XRCC2: variants seen among roughly 807,000 people sequenced by gnomAD.
XRCC2 encodes X-ray repair cross complementing 2, also known as DNA repair protein XRCC2.
XRCC2 carries 24 observed loss-of-function variants against 27.3 expected under a neutral mutation model. That is an observed-to-expected ratio of 0.88 (90% CI 0.64 to 1.24). The LOEUF (loss-of-function observed/expected upper bound fraction) is 1.24. Ranked by LOEUF, XRCC2 falls within the 50% of genes most tolerant of loss-of-function variation. The pLI is 0.00. For missense variants in XRCC2, 321 were observed against 325.8 expected, an observed-to-expected ratio of 0.99 and a Z score of 0.11; for synonymous variants, 106 against 115.4, an observed-to-expected ratio of 0.92 and a Z score of 0.52.
In XRCC2 at chr7:152,648,151, A is replaced by T. The variant is rs1054420263; in HGVS notation, c.*491T>A. On this transcript the variant is annotated 3_prime_UTR_variant, in exon 3 of 3. Transcript: ENST00000359321. Reference sequence around the variant, plus strand: ...ACTTTAGGGCTGGGCACGGGCCTGTAATCCTAGCACTTTGGGAGGCCGAGG... The same window carrying T: ...ACTTTAGGGCTGGGCACGGGCCTGTTATCCTAGCACTTTGGGAGGCCGAGG... 6.6e-6 allele frequency: 1 copy of T among 152,482 alleles called. No individual in the cohort carries two copies. Among genetic ancestry groups the T allele is most frequent in the African/African-American group, 2.4e-5 (1 of 41,454 alleles). The allele number at this position is 152,482 out of a possible 1,614,324, so 9.4% of individuals were successfully genotyped here.
intron 1 of XRCC2, 136 bp downstream of exon 1, chr7:152,675,905 C>G (rs1172651890): frequency 3.3e-6 from 4 of 1,194,672 alleles, no homozygotes; most frequent in Non-Finnish European, 4.8e-6. Context: ...TCGCGGGCGT[C>G]TAGGCCGAGA....
intron 1 of XRCC2, among the ~76,000 whole-genome samples, chr7:152,666,909 C>T (rs1015863213): frequency 2.2e-4 from 33 of 151,982 alleles, no homozygotes; most frequent in African/African-American, 7.5e-4. Context: ...TGAGCCACTG[C>T]GCCCAGCAAG....
chr7:152,675,725 A>G (rs998238259), intron 1 of XRCC2, among the ~76,000 whole-genome samples: 3 of 152,204 alleles, frequency 2.0e-5, no homozygotes, highest in South Asian at 4.1e-4. Context: ...TTTTTAGACC[A>G]TAACTCTTGG....
chr7:152,661,292 G>C (rs560087883), intron 1 of XRCC2, among the ~76,000 whole-genome samples: 1 of 152,244 alleles, frequency 6.6e-6, no homozygotes, highest in African/African-American at 2.4e-5. Context: ...ACCCTCAAAG[G>C]AATGGATAGT....
chr7:152,666,221 T>G (rs1275511330), intron 1 of XRCC2, among the ~76,000 whole-genome samples: 1 of 152,166 alleles, frequency 6.6e-6, no homozygotes, highest in African/African-American at 2.4e-5. Flanking sequence ...TCAATAATTT[T>G]TTTTTTGAGA....
In XRCC2 at chr7:152,645,217, T is replaced by A. The variant is rs2098025250; in HGVS notation, c.*3425A>T. 6.6e-6 allele frequency: 1 copy of A among 151,726 alleles called. No homozygotes were observed. Among genetic ancestry groups the A allele is most frequent in the Admixed American group, 6.6e-5 (1 of 15,228 alleles). 9.4% of individuals were successfully genotyped at this position (151,726 alleles called of 1,614,324 possible). ...TTTATTAGATTTATTTCTAGAAACT[T>A]TATATTTTTAGTTATGATTAAATAT... On this transcript the variant is annotated 3_prime_UTR_variant, in exon 3 of 3. Coordinates refer to ENST00000359321, the MANE Select transcript of XRCC2 (RefSeq NM_005431.2).
In XRCC2 at chr7:152,649,341, G is replaced by T. The variant is rs369819565; in HGVS notation, c.144C>A (p.Gly48=). The stretch of plus-strand genomic sequence containing the variant: ...TTTCTGTTTTTCCTGTTCCTTCTGG[G>T]CCATGAAATTCAAGAATATCACCTG... ...PVHGDILEFH[G]PEGTGKTEML... The change falls in exon 3 of 3, where the codon GGC becomes GGA. Residue 48 remains glycine, a synonymous_variant. Transcript: ENST00000359321. 2 of 1,592,798 alleles carry T rather than the reference G, an allele frequency of 1.3e-6. No homozygotes were observed. The highest frequency in any genetic ancestry group is 4.5e-5 in the East Asian group (2 of 44,608).
intron 2 of XRCC2, among the ~76,000 whole-genome samples, chr7:152,656,758 A>G (rs1300917110): frequency 1.3e-5 from 2 of 152,228 alleles, no homozygotes; most frequent in African/African-American, 4.8e-5. Flanking sequence ...TACAAAGACC[A>G]TTCTGTTTTT....
chr7:152,667,405 CAAAAAAAAA>C (rs60136474), intron 1 of XRCC2, among the ~76,000 whole-genome samples: 9 of 75,862 alleles, frequency 1.2e-4, no homozygotes, highest in Admixed American at 1.4e-4. Flanking sequence ...AACTCCGTCT[CAAAAAAAAA>C]AAAAAAAAAA....
At chr7:152,669,906 AC>A (rs1202771011) in intron 1 of XRCC2, among the ~76,000 whole-genome samples, 2 of 151,654 alleles carry the variant, frequency 1.3e-5, no homozygotes, top group East Asian at 4.0e-4. Flanking sequence ...ACATAGTGTA[AC>A]CTATTTAAAC....
chr7:152,670,800 T>C (rs1422708086), intron 1 of XRCC2, among the ~76,000 whole-genome samples: 1 of 152,112 alleles, frequency 6.6e-6, no homozygotes, highest in African/African-American at 2.4e-5. Flanking sequence ...GGTTTTGCCA[T>C]GTTGGTCAGG....
At chr7:152,663,345 G>GAAAAA (rs2098034130) in intron 1 of XRCC2, among the ~76,000 whole-genome samples, 1 of 5,460 alleles carries the variant, frequency 1.8e-4, no homozygotes, top group Non-Finnish European at 3.7e-4. Context: ...TGTCTTTGAA[G>GAAAAA]TAAAAAAAAA....
At chr7:152,662,411 CA>C in intron 1 of XRCC2, among the ~76,000 whole-genome samples, 1 of 151,286 alleles carries the variant, frequency 6.6e-6, no homozygotes, top group South Asian at 2.1e-4. Flanking sequence ...ATTAGGATCA[CA>C]GGGGGCAATC....
At chr7:152,665,506 T>TTG (rs2117004454) in intron 1 of XRCC2, among the ~76,000 whole-genome samples, 1 of 141,272 alleles carries the variant, frequency 7.1e-6, no homozygotes, top group African/African-American at 2.7e-5. Flanking sequence ...TTTTTTTTTT[T>TTG]TTTTAGACAG....
chr7:152,676,044 G>T lies in XRCC2; in HGVS notation c.36C>A (p.Thr12=), dbSNP rs1446744510. The change falls in exon 1 of 3, where the codon ACC becomes ACA. Residue 12 remains threonine (T), a synonymous_variant. Coordinates refer to ENST00000359321, the MANE Select transcript of XRCC2 (RefSeq NM_005431.2). Reference sequence around the variant, plus strand: ...CTCCCAACCCGGCGGCTCTCACCTCGGTCCCAGACTCAGCCCTATGGAAGG... The same window carrying T: ...CTCCCAACCCGGCGGCTCTCACCTCTGTCCCAGACTCAGCCCTATGGAAGG... ...CSAFHRAESG[T]ELLARLEGRS... The T allele has an allele frequency of 6.2e-7, 1 of 1,613,638 alleles. No individual in the cohort carries two copies. The highest frequency in any genetic ancestry group is 1.3e-5 in the African/African-American group (1 of 74,914).
rs2116984114 is a variant in XRCC2, at chr7:152,646,128, C to A, written c.*2514G>T. On this transcript the variant is annotated 3_prime_UTR_variant, in exon 3 of 3. Coordinates refer to ENST00000359321, the MANE Select transcript of XRCC2 (RefSeq NM_005431.2). ...CCTGTTTCATTTTAAAGTTATGCCCCTTTTCTATCCTTGAGTGGTTAAGAA... is the reference window on the plus strand; with the variant it reads ...CCTGTTTCATTTTAAAGTTATGCCCATTTTCTATCCTTGAGTGGTTAAGAA... 6.6e-6 allele frequency: 1 copy of A among 152,288 alleles called. No homozygotes were observed. Among genetic ancestry groups the A allele is most frequent in the Non-Finnish European group, 1.5e-5 (1 of 68,028 alleles). 9.4% of individuals were successfully genotyped at this position (152,288 alleles called of 1,614,324 possible).
At position 152,672,111 on chromosome 7, in the gene XRCC2, T is replaced by C. The variant is rs3218403; in HGVS notation, c.39+3930A>G. ...GCCTAGTTGTGATTTTCTCTAGTAATATTCAGCTGAGTGGAAGTAGACAGT... is the reference window on the plus strand; with the variant it reads ...GCCTAGTTGTGATTTTCTCTAGTAACATTCAGCTGAGTGGAAGTAGACAGT... On this transcript the variant is annotated intron_variant, in intron 1 of 2. Transcript: ENST00000359321. Among the ~76,000 whole-genome samples, 873 of 152,212 alleles carry C rather than the reference T, an allele frequency of 5.7e-3. 29 individuals carry two copies. The highest frequency in any genetic ancestry group is 0.051 in the Admixed American group (774 of 15,260).
intron 1 of XRCC2, among the ~76,000 whole-genome samples, chr7:152,665,549 A>G (rs1473324886): frequency 7.3e-6 from 1 of 136,174 alleles, no homozygotes; most frequent in Non-Finnish European, 1.5e-5. Context: ...TTGGAGTACA[A>G]TGGCACGATG....
intron 2 of XRCC2, among the ~76,000 whole-genome samples, chr7:152,659,018 C>G (rs1228207633): frequency 6.6e-6 from 1 of 152,170 alleles, no homozygotes; most frequent in East Asian, 1.9e-4. Flanking sequence ...TATGGTAGCT[C>G]TATTTTTAAT....
Sources: gnomAD v4.1 joint callset for allele counts (sites outside exome capture counted in the v4.1 genomes callset) on GRCh38, gnomAD v4.1.1 for gene constraint, MANE v1.5 for transcripts, NCBI Gene and HGNC (gene_info 2026-07-23, HGNC 2026-07-21) for gene names.